Variants in PTGIS observed in about 807,000 individuals in gnomAD.
PTGIS encodes the protein prostaglandin I2 synthase.
In PTGIS, 45 loss-of-function variants were observed where a neutral mutation model predicts 50.3. The observed-to-expected ratio is 0.90, with a 90% CI of 0.70 to 1.15. The LOEUF is 1.15. PTGIS is among the 50% of genes most tolerant of loss of function. The pLI is 0.00. For missense variants in PTGIS, 668 were observed against 661.3 expected (o/e 1.01, Z -0.11); for synonymous variants, 260 against 267.7 (o/e 0.97, Z 0.28).
Position 49,511,180 on chromosome 20 carries a change from C to T in PTGIS, c.1207-1G>A, listed in dbSNP as rs763887204. ...TCAGGAATCGGTTGTATTTAAATAC[C>T]TGAAATAGGAAGAAGGTCCTTTTCT... is the stretch of plus-strand genomic sequence containing the variant. On this transcript the variant is annotated splice_acceptor_variant, in intron 8 of 9. Transcript: ENST00000244043. LOFTEE classifies it high-confidence loss of function. The T allele has an allele frequency of 6.2e-7, 1 of 1,614,072 alleles. No individual in the cohort carries two copies. Among genetic ancestry groups the T allele is most frequent in the Non-Finnish European group, 8.5e-7 (1 of 1,180,030 alleles).
Position 49,524,099 on chromosome 20 carries a change from TCTC to T in PTGIS, c.811_813del (p.Glu271del), listed in dbSNP as rs1981728287. On this transcript the variant is annotated inframe_deletion, in exon 6 of 10. Transcript: ENST00000244043. Reference sequence around the variant, plus strand: ...TGCAGCACCAGGGCCCGTGCCTGCATCTCCTCTGACACACCCATCTCCTCCAGG... The same window carrying T: ...TGCAGCACCAGGGCCCGTGCCTGCATCTCTGACACACCCATCTCCTCCAGG... The T allele has an allele frequency of 6.2e-7, 1 of 1,613,942 alleles. No homozygotes were observed. The highest frequency in any genetic ancestry group is 1.3e-5 in the African/African-American group (1 of 74,878).
At chr20:49,549,176 C>T (rs1230290315) in intron 2 of PTGIS, among the ~76,000 whole-genome samples, 1 of 152,112 alleles carries the variant, frequency 6.6e-6, no homozygotes, top group African/African-American at 2.4e-5. Context: ...GACCAGTTAT[C>T]CCTCAGTATC....
chr20:49,557,475 C>T (rs1982646469), intron 1 of PTGIS, among the ~76,000 whole-genome samples: 1 of 151,632 alleles, frequency 6.6e-6, no homozygotes, highest in Non-Finnish European at 1.5e-5. Context: ...GTCTGTAGTC[C>T]CAGCTACTAG....
rs184748606 is a variant in PTGIS at position 49,559,947 on chromosome 20, C to T, written c.74+8096G>A. 4.7e-4 allele frequency among the ~76,000 whole-genome samples: 68 copies of T among 145,930 alleles called. 1 individual carries two copies. The South Asian group carries it at 9.3e-3, about 20-fold the overall frequency. On this transcript the variant is annotated intron_variant, in intron 1 of 9. Transcript: ENST00000244043. Reference sequence around the variant, plus strand: ...TACACTTTTTTTTTTTTTTTTGAGACGGAATCTTGGTCTGTCGCCAAGGCT... The same window carrying T: ...TACACTTTTTTTTTTTTTTTTGAGATGGAATCTTGGTCTGTCGCCAAGGCT...
chr20:49,548,176 G>C (rs918380786), intron 2 of PTGIS, among the ~76,000 whole-genome samples, 157 bp from the exon 3 acceptor site: 1 of 152,156 alleles, frequency 6.6e-6, no homozygotes, highest in African/African-American at 2.4e-5. Flanking sequence ...CACCCTGTGA[G>C]GTAGGGACCA....
rs1981075859 is a variant in PTGIS, at chr20:49,504,165, T to C, written c.*3755A>G. ...GTCGCCCATGGGATGAGAAACTTACTCCTGCTTCTGTCCCTGGAGAAGGTC... is the reference window on the plus strand; with the variant it reads ...GTCGCCCATGGGATGAGAAACTTACCCCTGCTTCTGTCCCTGGAGAAGGTC... On this transcript the variant is annotated 3_prime_UTR_variant, in exon 10 of 10. Transcript: ENST00000244043. 6.6e-6 allele frequency: 1 copy of C among 152,172 alleles called. No homozygotes were observed. The highest frequency in any genetic ancestry group is 2.4e-5 in the African/African-American group (1 of 41,446). The allele number at this position is 152,172 out of a possible 1,614,324, so 9.4% of individuals were successfully genotyped here. A position where few individuals can be genotyped will look rare whatever the true frequency, so the allele number is the denominator to read the frequency against.
At chr20:49,508,231 G>A (rs747602011) in intron 9 of PTGIS, among the ~76,000 whole-genome samples, 167 bp from the exon 10 acceptor site, 4 of 152,212 alleles carry the variant, frequency 2.6e-5, no homozygotes, top group Non-Finnish European at 5.9e-5. Flanking sequence ...CACCACATTT[G>A]CCAGCCCCCT....
chr20:49,557,545 G>T (rs141929048), intron 1 of PTGIS, among the ~76,000 whole-genome samples: 1 of 143,198 alleles, frequency 7.0e-6, no homozygotes, highest in African/African-American at 2.7e-5. Context: ...AGCAAAAAAC[G>T]TGCAGGAAGA....
intron 1 of PTGIS, among the ~76,000 whole-genome samples, chr20:49,554,670 T>C (rs1465054532): frequency 6.6e-6 from 1 of 152,164 alleles, no homozygotes; most frequent in Non-Finnish European, 1.5e-5. Flanking sequence ...TTGTAAGGGC[T>C]GATTCTGAGA....
At chr20:49,515,818 G>A (rs1020718385) in intron 6 of PTGIS, among the ~76,000 whole-genome samples, 1 of 152,160 alleles carries the variant, frequency 6.6e-6, no homozygotes, top group Non-Finnish European at 1.5e-5. Flanking sequence ...GTGCAGGGTG[G>A]TGGCTCAGCA....
In PTGIS at chr20:49,547,884, G is replaced by A; in HGVS notation, c.334C>T (p.Leu112Phe). The part of the protein sequence containing the change: ...FLMERIFDVQ[L>F]PHYSPSDEKA... ...TCATCACTGGGGCTGTAATGTGGAA[G>A]CTGCACATCAAAAATCCTCTCCATG... The change falls in exon 3 of 10, where the codon CTT (leucine) becomes TTT (phenylalanine). Residue 112 changes from leucine (L) to phenylalanine (F), a missense_variant. Transcript: ENST00000244043. 6.2e-7 allele frequency: 1 copy of A among 1,614,154 alleles called. No homozygotes were observed. The highest frequency in any genetic ancestry group is 8.5e-7 in the Non-Finnish European group (1 of 1,180,032).
intron 5 of PTGIS, among the ~76,000 whole-genome samples, chr20:49,524,822 A>AC (rs1981754974): frequency 6.6e-6 from 1 of 152,060 alleles, no homozygotes; most frequent in East Asian, 1.9e-4. Context: ...GGGGGAAACC[A>AC]CCCCCATGAT....
chr20:49,511,102 C>T lies in PTGIS; in HGVS notation c.1284G>A (p.Lys428=), dbSNP rs757126026. 8 of 1,614,208 alleles carry T rather than the reference C, an allele frequency of 5.0e-6. No individual in the cohort carries two copies. In the South Asian group the frequency reaches 7.7e-5, roughly 16 times the overall value. The change falls in exon 9 of 10, where the codon AAG becomes AAA. Residue 428 remains lysine, a synonymous_variant. Transcript: ENST00000244043. ...KDFYKDGKRL[K]NYNMPWGAGH... is the part of the protein sequence containing the mutation. ...CCGCCCCCCAGGGCATGTTGTAATTCTTCAGCCGTTTCCCATCCTTGTAAA... is the reference window on the plus strand; with the variant it reads ...CCGCCCCCCAGGGCATGTTGTAATTTTTCAGCCGTTTCCCATCCTTGTAAA...
rs1601185264 is a variant in PTGIS, at chr20:49,524,074, T to C, written c.839A>G (p.Gln280Arg). ...EEMQARALVLQLWATQGNMGP... is the reference protein window; with the variant it reads ...EEMQARALVLRLWATQGNMGP... Reference sequence around the variant, plus strand: ...CACACCCACCTGTGTGGCCCACAGCTGCAGCACCAGGGCCCGTGCCTGCAT... The same window carrying C: ...CACACCCACCTGTGTGGCCCACAGCCGCAGCACCAGGGCCCGTGCCTGCAT... Residue 280 changes from glutamine to arginine, a missense_variant, in exon 6 of 10, where the codon CAG becomes CGG. Coordinates refer to ENST00000244043, the MANE Select transcript of PTGIS (RefSeq NM_000961.4). The C allele has an allele frequency of 6.2e-7, 1 of 1,614,104 alleles. No individual in the cohort carries two copies. Among genetic ancestry groups the C allele is most frequent in the Non-Finnish European group, 8.5e-7 (1 of 1,180,016 alleles).
At chr20:49,526,142 C>A (rs1001769589) in intron 5 of PTGIS, among the ~76,000 whole-genome samples, 1 of 152,180 alleles carries the variant, frequency 6.6e-6, no homozygotes, top group Non-Finnish European at 1.5e-5. Context: ...TCTGGATGCC[C>A]AGGTGCCAAC....
intron 1 of PTGIS, among the ~76,000 whole-genome samples, chr20:49,560,954 C>T (rs1982757196): frequency 6.6e-6 from 1 of 152,066 alleles, no homozygotes; most frequent in Non-Finnish European, 1.5e-5. Flanking sequence ...AAGGGTCATA[C>T]CAGAGAAAGA....
intron 5 of PTGIS, among the ~76,000 whole-genome samples, chr20:49,531,804 T>C (rs1377526365): frequency 1.3e-5 from 2 of 152,130 alleles, no homozygotes; most frequent in African/African-American, 4.8e-5. Flanking sequence ...TTATTATTAT[T>C]ATATTTTGTA....
Position 49,524,221 on chromosome 20 carries a change from C to T in PTGIS, c.692G>A (p.Cys231Tyr), listed in dbSNP as rs753382318. 2 of 1,614,080 alleles carry T rather than the reference C, an allele frequency of 1.2e-6. No individual in the cohort carries two copies. Among genetic ancestry groups the T allele is most frequent in the South Asian group, 2.2e-5 (2 of 91,084 alleles). ...SLSVGDKDHM[C>Y]SVKSRLWKLL... The stretch of plus-strand genomic sequence containing the variant: ...CTTCCACAGGCGACTTTTGACACTG[C>T]ACATGTGGTCCTTGTCCCCTGCAGG... The change falls in exon 6 of 10, where the codon TGC becomes TAC. Residue 231 changes from cysteine (C) to tyrosine (Y), a missense_variant. By Grantham distance (194) the Cys-to-Tyr change is radical (BLOSUM62 -2). Coordinates refer to ENST00000244043, the MANE Select transcript of PTGIS (RefSeq NM_000961.4).
intron 6 of PTGIS, among the ~76,000 whole-genome samples, chr20:49,517,012 A>G (rs61013127): frequency 0.27 from 40,394 of 152,030 alleles, 5,516 homozygotes; most frequent in African/African-American, 0.31. Flanking sequence ...TAACATTGCC[A>G]CCTCCTGGGT....
Sources: gnomAD v4.1 joint callset for allele counts (sites outside exome capture counted in the v4.1 genomes callset) on GRCh38, gnomAD v4.1.1 for gene constraint, MANE v1.5 for transcripts, NCBI Gene and HGNC (gene_info 2026-07-23, HGNC 2026-07-21) for gene names.